The following PCYOX1 variants were observed in gnomAD, a reference collection of about 807,000 sequenced individuals.
PCYOX1 encodes the protein prenylcysteine lyase.
In PCYOX1, 46 loss-of-function variants were observed where a neutral mutation model predicts 46.4. The ratio of observed to expected loss-of-function variants is 0.99; its 90% CI spans 0.78 to 1.27. The LOEUF (loss-of-function observed/expected upper bound fraction) is 1.27, where lower values mean the gene tolerates loss of function less well. PCYOX1 is among the 50% of genes most tolerant of loss of function. The pLI, the probability that PCYOX1 is intolerant of heterozygous loss-of-function variation, is 0.00. For synonymous variants in PCYOX1, 220 were observed against 231.8 expected, an observed-to-expected ratio of 0.95 and a Z score of 0.46; for missense variants, 658 against 628.3, an observed-to-expected ratio of 1.05 and a Z score of -0.51.
Position 70,259,567 on chromosome 2 carries a change from G to T in PCYOX1, c.319+1G>T. On this transcript the variant is annotated splice_donor_variant, in intron 2 of 5. Coordinates refer to ENST00000433351, the MANE Select transcript of PCYOX1 (RefSeq NM_016297.4). LOFTEE classifies it high-confidence loss of function. ...ATGAAACGTTTTGTCAAAGACCTGG[G>T]TATGTAATTTTGGTCTTGGAGCTCA... 5 of 1,610,076 alleles carry T rather than the reference G, an allele frequency of 3.1e-6. No individual in the cohort carries two copies. Among genetic ancestry groups the T allele is most frequent in the Non-Finnish European group, 4.2e-6 (5 of 1,176,600 alleles).
rs772316469 is a variant in PCYOX1, at chr2:70,277,158, T to C, written c.1284T>C (p.Ala428=). The C allele has an allele frequency of 1.1e-5, 17 of 1,614,166 alleles. No individual in the cohort carries two copies. The highest frequency in any genetic ancestry group is 1.4e-5 in the Non-Finnish European group (17 of 1,179,984). ...ILKLFLSYDY[A]VKKPWLAYPH... ...AGCTCTTTCTGTCCTATGATTATGC[T>C]GTGAAGAAGCCATGGCTTGCATATC... Residue 428 remains alanine (A), a synonymous_variant, in exon 6 of 6, where the codon GCT becomes GCC. Transcript: ENST00000433351.
intron 3 of PCYOX1, among the ~76,000 whole-genome samples, chr2:70,270,460 C>A (rs1355957831): frequency 6.6e-6 from 1 of 152,136 alleles, no homozygotes; most frequent in East Asian, 1.9e-4. Flanking sequence ...GTTTCCTCTC[C>A]CCAGTAACAT....
intron 1 of PCYOX1, among the ~76,000 whole-genome samples, chr2:70,258,822 A>T (rs1332109278): frequency 6.6e-6 from 1 of 152,244 alleles, no homozygotes; most frequent in African/African-American, 2.4e-5. Flanking sequence ...TTCTCCGCCT[A>T]GGACTAACAC....
chr2:70,278,163 G>C lies in PCYOX1; in HGVS notation c.*771G>C, dbSNP rs1263915959. On this transcript the variant is annotated 3_prime_UTR_variant, in exon 6 of 6. Transcript: ENST00000433351. ...ACAAAAATCTCAAGTAAAATGAAAA[G>C]CAAATATGGGCTACTGAATTAAGAA... is the stretch of plus-strand genomic sequence containing the variant. 1 of 152,614 alleles carries C rather than the reference G, an allele frequency of 6.6e-6. No individual in the cohort carries two copies. The highest frequency in any genetic ancestry group is 1.9e-4 in the East Asian group (1 of 5,200). 9.5% of individuals were successfully genotyped at this position (152,614 alleles called of 1,614,324 possible). A position where few individuals can be genotyped will look rare whatever the true frequency, so the allele number is the denominator to read the frequency against.
rs1341016064 is a variant in PCYOX1 at position 70,278,290 on chromosome 2, AG to A, written c.*899del. The A allele has an allele frequency of 1.3e-5, 2 of 152,648 alleles. No homozygotes were observed. Among genetic ancestry groups the A allele is most frequent in the East Asian group, 3.8e-4 (2 of 5,204 alleles). 9.5% of individuals were successfully genotyped at this position (152,648 alleles called of 1,614,324 possible). A position where few individuals can be genotyped will look rare whatever the true frequency, so the allele number is the denominator to read the frequency against. On this transcript the variant is annotated 3_prime_UTR_variant, in exon 6 of 6. Coordinates refer to ENST00000433351, the MANE Select transcript of PCYOX1 (RefSeq NM_016297.4). ...ATTCAAAGACTGAGGATAGGACCTT[AG>A]CATTGTAGCTATTTAAAGTTTCTAA...
upstream of PCYOX1, chr2:70,258,046 C>T (rs1696367866): frequency 1.3e-6 from 1 of 741,262 alleles, no homozygotes; most frequent in Admixed American, 4.0e-5. Context: ...GCTCGCAGGA[C>T]CTGGGCGGGG....
intron 5 of PCYOX1, among the ~76,000 whole-genome samples, chr2:70,275,956 C>T (rs1035005026): frequency 9.9e-5 from 15 of 151,614 alleles, no homozygotes; most frequent in African/African-American, 2.4e-4. Context: ...AAAAATTAGC[C>T]GGGCGTGGTG....
Position 70,281,138 on chromosome 2 carries a change from T to G in PCYOX1, c.*3746T>G, listed in dbSNP as rs1696769815. ...TCCTCTTTCTACTCTTGTATTAAAA[T>G]TTTTCCCCACTTCATGATTATATTC... On this transcript the variant is annotated 3_prime_UTR_variant, in exon 6 of 6. Coordinates refer to ENST00000433351, the MANE Select transcript of PCYOX1 (RefSeq NM_016297.4). The G allele has an allele frequency of 6.6e-6, 1 of 152,264 alleles. No homozygotes were observed. The highest frequency in any genetic ancestry group is 1.5e-5 in the Non-Finnish European group (1 of 68,082). 9.4% of individuals were successfully genotyped at this position (152,264 alleles called of 1,614,324 possible). A position where few individuals can be genotyped will look rare whatever the true frequency, so the allele number is the denominator to read the frequency against.
chr2:70,259,288 C>A, intron 1 of PCYOX1, 72 bp from the exon 2 acceptor site: 1 of 1,384,844 alleles, frequency 7.2e-7, no homozygotes, highest in Non-Finnish European at 1.0e-6. Flanking sequence ...TATTGATGGT[C>A]TTTCAAAAAC....
chr2:70,273,535 CA>C (rs1696630272), intron 3 of PCYOX1, among the ~76,000 whole-genome samples: 1 of 152,094 alleles, frequency 6.6e-6, no homozygotes, highest in Non-Finnish European at 1.5e-5. Context: ...GTTTCCCTTC[CA>C]TGATCAGTGA....
chr2:70,268,339 T>G (rs1696556919), intron 3 of PCYOX1, among the ~76,000 whole-genome samples: 1 of 152,166 alleles, frequency 6.6e-6, no homozygotes, highest in Non-Finnish European at 1.5e-5. Flanking sequence ...AAAATCTGTT[T>G]TGTGACTGAG....
In PCYOX1 at chr2:70,277,226, A is replaced by G. The variant is rs1207943875; in HGVS notation, c.1352A>G (p.His451Arg). ...GAGAAATGCCCCTCTATCATTCTCC[A>G]TGATCGACTTTATTACCTCAATGGC... ...PPEKCPSIIL[H>R]DRLYYLNGIE... The change falls in exon 6 of 6, where the codon CAT becomes CGT. Residue 451 changes from histidine (H) to arginine (R), a missense_variant. His to Arg is a conservative substitution (Grantham distance 29). Coordinates refer to ENST00000433351, the MANE Select transcript of PCYOX1 (RefSeq NM_016297.4). 5.0e-6 allele frequency: 8 copies of G among 1,614,038 alleles called. No homozygotes were observed. In the South Asian group the frequency reaches 6.6e-5, roughly 13 times the overall value.
intron 2 of PCYOX1, among the ~76,000 whole-genome samples, chr2:70,260,437 G>C (rs904942563): frequency 6.6e-6 from 1 of 152,160 alleles, no homozygotes; most frequent in Admixed American, 6.5e-5. Context: ...CCAGCTTCTT[G>C]GGAGGCAGAG....
At chr2:70,272,438 T>C (rs1696614812) in intron 3 of PCYOX1, among the ~76,000 whole-genome samples, 1 of 152,044 alleles carries the variant, frequency 6.6e-6, no homozygotes. Context: ...ATTTTTACAT[T>C]TTGTGTACAG....
intron 2 of PCYOX1, among the ~76,000 whole-genome samples, chr2:70,260,569 C>T (rs1465660018): frequency 5.3e-5 from 8 of 152,120 alleles, no homozygotes; most frequent in Admixed American, 2.6e-4. Flanking sequence ...AAAACAAACT[C>T]CGTCACACAG....
chr2:70,259,974 C>T (rs532486132), intron 2 of PCYOX1, among the ~76,000 whole-genome samples: 87 of 152,222 alleles, frequency 5.7e-4, no homozygotes, highest in African/African-American at 2.1e-3. Flanking sequence ...TGCCACCACG[C>T]CCAGCTAATT....
At chr2:70,263,961 CTTTT>C (rs768464001) in intron 3 of PCYOX1, among the ~76,000 whole-genome samples, 14 of 112,296 alleles carry the variant, frequency 1.2e-4, no homozygotes, top group Non-Finnish European at 1.8e-4. Context: ...GCCCGGCCCT[CTTTT>C]TTTTTTTTTT....
At chr2:70,261,949 A>T (rs944869098) in intron 3 of PCYOX1, among the ~76,000 whole-genome samples, 2 of 152,228 alleles carry the variant, frequency 1.3e-5, no homozygotes, top group Non-Finnish European at 2.9e-5. Flanking sequence ...TAAAAGTTCC[A>T]TATTCCAAGA....
Position 70,259,442 on chromosome 2 carries a change from G to T in PCYOX1, c.195G>T (p.Leu65=), listed in dbSNP as rs764552414. 3.7e-6 allele frequency: 6 copies of T among 1,613,986 alleles called. No homozygotes were observed. In the Admixed American group the frequency reaches 1.0e-4, roughly 27 times the overall value. ...QKFGKDVKID[L]FEREEVGGRL... ...TTGGGAAAGATGTGAAGATAGACCT[G>T]TTTGAAAGAGAAGAGGTCGGGGGCC... Residue 65 remains leucine (L), a synonymous_variant, in exon 2 of 6, where the codon CTG becomes CTT. Coordinates refer to ENST00000433351, the MANE Select transcript of PCYOX1 (RefSeq NM_016297.4).
Sources: gnomAD v4.1 joint callset for allele counts (sites outside exome capture counted in the v4.1 genomes callset) on GRCh38, gnomAD v4.1.1 for gene constraint, MANE v1.5 for transcripts, NCBI Gene and HGNC (gene_info 2026-07-23, HGNC 2026-07-21) for gene names.